BICRA: variants seen among roughly 807,000 people sequenced by gnomAD.
BICRA encodes BRD4-interacting chromatin-remodeling complex-associated protein.
In BICRA, 31 loss-of-function variants were observed where a neutral mutation model predicts 96.9. The ratio of observed to expected loss-of-function variants is 0.32; its 90% CI spans 0.24 to 0.43. BICRA has a LOEUF of 0.43. Among genes scored for constraint, BICRA ranks in the 20% least tolerant of loss-of-function variants. The pLI is 1.00. For synonymous variants in BICRA, 1,350 were observed against 1,071.8 expected (o/e 1.26, Z -5.07); for missense variants, 2,283 against 2,190.3 (o/e 1.04, Z -0.84).
At chr19:47,635,854 A>G (rs1972293894) in intron 1 of BICRA, among the ~76,000 whole-genome samples, 1 of 152,166 alleles carries the variant, frequency 6.6e-6, no homozygotes, top group Admixed American at 6.6e-5. Context: ...TTCTGCTGAA[A>G]TGGATAAACT....
In BICRA at chr19:47,699,130, C is replaced by T. The variant is rs1255256307; in HGVS notation, c.3492+71C>T. 3 of 1,172,394 alleles carry T rather than the reference C, an allele frequency of 2.6e-6. No individual in the cohort carries two copies. Among genetic ancestry groups the T allele is most frequent in the South Asian group, 2.6e-5 (2 of 76,796 alleles). The allele number at this position is 1,172,394 out of a possible 1,614,324, so 72.6% of individuals were successfully genotyped here. A position where few individuals can be genotyped will look rare whatever the true frequency, so the allele number is the denominator to read the frequency against. On this transcript the variant is annotated intron_variant, in intron 13 of 14. Coordinates refer to ENST00000594866, the MANE Select transcript of BICRA (RefSeq NM_001394372.1). This position sits in a 1 kb window ranked among gnomAD's most constrained non-coding sequence, Gnocchi z 5.0. ...GGACACTGCCCCTTTCCCTCACCCG[C>T]TCTGGGCAAGGTGGAGCCTCCCGCC...
At chr19:47,672,082 TGGAGGGATCGGTAGGTAGATGGATGGAA>T (rs1972873756) in intron 2 of BICRA, among the ~76,000 whole-genome samples, 1 of 125,410 alleles carries the variant, frequency 8.0e-6, no homozygotes. Flanking sequence ...GGTGGATGGA[TGGAGGGATCGGTAGGTAGATGGATGGAA>T]GGATGGAGGA....
At chr19:47,651,237 A>G (rs1221063960) in intron 1 of BICRA, among the ~76,000 whole-genome samples, 1 of 151,990 alleles carries the variant, frequency 6.6e-6, no homozygotes, top group Non-Finnish European at 1.5e-5. Context: ...GCTCACCTGG[A>G]ATAAAAGCTG....
intron 2 of BICRA, among the ~76,000 whole-genome samples, chr19:47,671,062 C>T (rs142074118): frequency 2.0e-3 from 306 of 152,268 alleles, no homozygotes; most frequent in African/African-American, 7.0e-3. Flanking sequence ...GAGGGTGATC[C>T]GTGAACCCTG....
chr19:47,664,857 A>G (rs190598200), intron 1 of BICRA, among the ~76,000 whole-genome samples: 45 of 152,302 alleles, frequency 3.0e-4, no homozygotes, highest in African/African-American at 1.1e-3. Flanking sequence ...GAACAGACAC[A>G]GTGCGCCCAC....
Position 47,701,812 on chromosome 19 carries a change from C to T in BICRA, c.4080C>T (p.Asn1360=), listed in dbSNP as rs1257614458. 3.4e-5 allele frequency: 52 copies of T among 1,535,542 alleles called. No homozygotes were observed. Among genetic ancestry groups the T allele is most frequent in the Non-Finnish European group, 4.1e-5 (47 of 1,143,952 alleles). The part of the protein sequence containing the change: ...PPPPPPTGQM[N]GTVDHPPPAA... ...CACCGCCGCCCACGGGCCAGATGAA[C>T]GGCACGGTGGACCACCCGCCGCCTG... The change falls in exon 15 of 15, where the codon AAC becomes AAT. Residue 1360 remains asparagine (N), a synonymous_variant. Coordinates refer to ENST00000594866, the MANE Select transcript of BICRA (RefSeq NM_001394372.1). The surrounding 1 kb of genome is among the most constrained non-coding windows in gnomAD (Gnocchi z 5.4).
chr19:47,681,367 GGA>G (rs1973055978), intron 6 of BICRA, 91 bp downstream of exon 6: 2 of 1,159,680 alleles, frequency 1.7e-6, no homozygotes, highest in Non-Finnish European at 2.4e-6. Context: ...ATCCAAAAGT[GGA>G]TGCCACTGTG....
intron 1 of BICRA, 109 bp downstream of exon 1, chr19:47,609,277 G>A (rs1260821701): frequency 6.6e-6 from 1 of 150,776 alleles, no homozygotes; most frequent in Non-Finnish European, 1.5e-5. Context: ...GGGGTTGGCG[G>A]CGAGGGTGTG....
intron 1 of BICRA, among the ~76,000 whole-genome samples, chr19:47,635,473 G>A (rs1261337576): frequency 6.6e-6 from 1 of 151,166 alleles, no homozygotes; most frequent in Non-Finnish European, 1.5e-5. Context: ...GGCTGGTCTT[G>A]AACTCCTGGG....
chr19:47,615,063 G>A (rs2123503659), intron 1 of BICRA, among the ~76,000 whole-genome samples: 1 of 152,260 alleles, frequency 6.6e-6, no homozygotes, highest in East Asian at 1.9e-4. Context: ...TTTCACTGCA[G>A]CATTATCCTT....
chr19:47,642,762 G>A (rs921930649), intron 1 of BICRA, among the ~76,000 whole-genome samples: 11 of 152,118 alleles, frequency 7.2e-5, no homozygotes, highest in African/African-American at 2.2e-4. Context: ...TTTCAAAGCA[G>A]TTGTTTACCA....
At chr19:47,609,376 C>CTTTTTTT (rs774981061) in intron 1 of BICRA, among the ~76,000 whole-genome samples, 4 of 27,612 alleles carry the variant, frequency 1.4e-4, no homozygotes, top group African/African-American at 6.9e-4. Flanking sequence ...CCGCTGCCTC[C>CTTTTTTT]TTTTTTTTTT....
Position 47,699,033 on chromosome 19 carries a change from C to T in BICRA, c.3466C>T (p.Arg1156Trp), listed in dbSNP as rs377496492. ...CACCCAGGCCATGCTCAATAAATAT[C>T]GGCTCCTGCTCCTGGAGGAGTCCCG... ...KRTQAMLNKY[R>W]LLLLEESRRV... The change falls in exon 13 of 15, where the codon CGG (arginine) becomes TGG (tryptophan). Residue 1156 changes from arginine to tryptophan, a missense_variant. By Grantham distance (101) the Arg-to-Trp change is moderately radical. Coordinates refer to ENST00000594866, the MANE Select transcript of BICRA (RefSeq NM_001394372.1). The surrounding 1 kb of genome is among the most constrained non-coding windows in gnomAD (Gnocchi z 5.0). 1 of 1,579,776 alleles carries T rather than the reference C, an allele frequency of 6.3e-7. No homozygotes were observed. Among genetic ancestry groups the T allele is most frequent in the Non-Finnish European group, 8.6e-7 (1 of 1,163,344 alleles).
chr19:47,655,710 G>A (rs978932325), intron 1 of BICRA, among the ~76,000 whole-genome samples: 4 of 150,058 alleles, frequency 2.7e-5, no homozygotes, highest in African/African-American at 9.8e-5. Context: ...AAAAAAATGA[G>A]CTGGGCTTGG....
intron 1 of BICRA, among the ~76,000 whole-genome samples, chr19:47,653,508 C>T (rs1468187483): frequency 6.6e-6 from 1 of 152,162 alleles, no homozygotes; most frequent in African/African-American, 2.4e-5. Flanking sequence ...TGAGCAGCCG[C>T]TTTGAATTTC....
chr19:47,681,664 G>T (rs1183847532), intron 6 of BICRA, among the ~76,000 whole-genome samples: 1 of 152,142 alleles, frequency 6.6e-6, no homozygotes, highest in Non-Finnish European at 1.5e-5. Context: ...AGAAGGGCAG[G>T]CACTGGCTGG....
At chr19:47,636,180 C>T (rs1314503981) in intron 1 of BICRA, among the ~76,000 whole-genome samples, 3 of 152,100 alleles carry the variant, frequency 2.0e-5, no homozygotes, top group Non-Finnish European at 4.4e-5. Context: ...ACTTCTGGTC[C>T]CAATTATTTC....
Position 47,695,091 on chromosome 19 carries a change from G to A in BICRA, c.3076+11G>A. The A allele has an allele frequency of 6.7e-7, 1 of 1,483,476 alleles. No individual in the cohort carries two copies. Among genetic ancestry groups the A allele is most frequent in the Non-Finnish European group, 8.9e-7 (1 of 1,122,794 alleles). 91.9% of individuals were successfully genotyped at this position (1,483,476 alleles called of 1,614,324 possible). A position where few individuals can be genotyped will look rare whatever the true frequency, so the allele number is the denominator to read the frequency against. ...CCATGGCCGCCACAGGTAGGAGAGAGGTCGCCTATGTGCCCAGGGAGACGG... is the reference window on the plus strand; with the variant it reads ...CCATGGCCGCCACAGGTAGGAGAGAAGTCGCCTATGTGCCCAGGGAGACGG... On this transcript the variant is annotated intron_variant, in intron 9 of 14. Coordinates refer to ENST00000594866, the MANE Select transcript of BICRA (RefSeq NM_001394372.1).
At chr19:47,682,540 T>C (rs1393501409) in intron 7 of BICRA, among the ~76,000 whole-genome samples, 1 of 152,208 alleles carries the variant, frequency 6.6e-6, no homozygotes, top group East Asian at 1.9e-4. Context: ...TTGCATTTGT[T>C]ATCTGGATAG....
Sources: allele counts gnomAD v4.1 joint callset (sites outside exome capture counted in the v4.1 genomes callset), GRCh38; gene constraint gnomAD v4.1.1; non-coding constraint Gnocchi (gnomAD v3.1); transcripts MANE v1.5; gene names NCBI Gene and HGNC (gene_info 2026-07-23, HGNC 2026-07-21).